CCDC50: variants seen among roughly 807,000 people sequenced by gnomAD.
The protein encoded by CCDC50 is coiled-coil domain-containing protein 50.
CCDC50 carries 54 observed loss-of-function variants against 70.2 expected under a neutral mutation model. The ratio of observed to expected loss-of-function variants is 0.77; its 90% CI spans 0.62 to 0.96. CCDC50 has a LOEUF of 0.96. Among genes scored for constraint, CCDC50 ranks in the 50% least tolerant of loss-of-function variants. CCDC50 has a pLI of 0.00. For missense variants in CCDC50, 558 were observed against 578.7 expected, an observed-to-expected ratio of 0.96 and a Z score of 0.37; for synonymous variants, 216 against 198.8, an observed-to-expected ratio of 1.09 and a Z score of -0.73.
At position 191,391,833 on chromosome 3, in the gene CCDC50, A is replaced by G. The variant is rs775099354; in HGVS notation, c.*73A>G. On this transcript the variant is annotated 3_prime_UTR_variant, in exon 12 of 12. Transcript: ENST00000392455. ...CTGGGTGATACAGAATGAATTCTAC[A>G]CTTACTTTTTTTCTCCTGTGTTTGC... 141 of 1,378,454 alleles carry G rather than the reference A, an allele frequency of 1.0e-4. No individual in the cohort carries two copies. The highest frequency in any genetic ancestry group is 1.4e-4 in the Non-Finnish European group (138 of 975,326). The allele number at this position is 1,378,454 out of a possible 1,614,324, so 85.4% of individuals were successfully genotyped here.
At chr3:191,338,753 A>C (rs1711608128) in intron 1 of CCDC50, among the ~76,000 whole-genome samples, 1 of 152,214 alleles carries the variant, frequency 6.6e-6, no homozygotes, top group South Asian at 2.1e-4. Flanking sequence ...GAGTTGTTCC[A>C]GCTCTCAAAT....
chr3:191,378,887 T>C (rs1362183819), intron 6 of CCDC50, among the ~76,000 whole-genome samples: 2 of 152,110 alleles, frequency 1.3e-5, no homozygotes, highest in Non-Finnish European at 2.9e-5. Context: ...AAAGCCATGT[T>C]TACTAGTCTG....
chr3:191,361,755 A>C (rs1712495795), intron 4 of CCDC50, among the ~76,000 whole-genome samples: 1 of 152,172 alleles, frequency 6.6e-6, no homozygotes, highest in Non-Finnish European at 1.5e-5. Flanking sequence ...ATAAGGTCAC[A>C]TTTTGAGGTT....
intron 7 of CCDC50, 105 bp downstream of exon 7, chr3:191,380,379 C>G: frequency 1.2e-6 from 1 of 802,396 alleles, no homozygotes; most frequent in Non-Finnish European, 2.1e-6. Flanking sequence ...AATTGAGAAA[C>G]CTTTTTTTAT....
In CCDC50 at chr3:191,329,526, C is replaced by CAAA; in HGVS notation, c.-149_-148insAAA. 1 of 699,142 alleles carries CAAA rather than the reference C, an allele frequency of 1.4e-6. No homozygotes were observed. The allele number at this position is 699,142 out of a possible 1,614,324, so 43.3% of individuals were successfully genotyped here. A position where few individuals can be genotyped will look rare whatever the true frequency, so the allele number is the denominator to read the frequency against. On this transcript the variant is annotated 5_prime_UTR_variant, in exon 1 of 12. Coordinates refer to ENST00000392455, the MANE Select transcript of CCDC50 (RefSeq NM_178335.3). The stretch of plus-strand genomic sequence containing the variant: ...GCTGCTTTGGTCACCAGCCCCTGCC[C>CAAA]GCCCGACCCGCTCCGTTCTCCGGCC...
intron 1 of CCDC50, among the ~76,000 whole-genome samples, chr3:191,350,109 C>T (rs1191413605): frequency 7.2e-6 from 1 of 139,658 alleles, no homozygotes; most frequent in Admixed American, 7.4e-5. Flanking sequence ...CCTTAGTTTC[C>T]TCATAAGTAA....
chr3:191,355,605 T>C (rs1186466837), intron 1 of CCDC50, among the ~76,000 whole-genome samples: 1 of 152,172 alleles, frequency 6.6e-6, no homozygotes, highest in Non-Finnish European at 1.5e-5. Flanking sequence ...TGGCTTTCAG[T>C]TTCCTCACTT....
chr3:191,363,697 A>C (rs9868286), intron 4 of CCDC50, among the ~76,000 whole-genome samples: 29,045 of 152,222 alleles, frequency 0.19, 3,188 homozygotes, highest in Non-Finnish European at 0.24. Flanking sequence ...CAGGTCTCCC[A>C]CTAGCTTGCC....
intron 7 of CCDC50, 96 bp from the exon 8 acceptor site, chr3:191,380,591 T>G (rs1245205883): frequency 2.5e-6 from 3 of 1,209,434 alleles, no homozygotes; most frequent in Non-Finnish European, 1.2e-6. Flanking sequence ...TGAGTCACAA[T>G]TATTTTCAAA....
At chr3:191,380,030 A>C (rs1425876520) in intron 6 of CCDC50, 129 bp from the exon 7 acceptor site, 2 of 670,534 alleles carry the variant, frequency 3.0e-6, no homozygotes, top group African/African-American at 3.7e-5. Flanking sequence ...CCCACACTGT[A>C]TTCTGGAGTA....
intron 1 of CCDC50, among the ~76,000 whole-genome samples, chr3:191,332,810 T>C (rs79001780): frequency 0.013 from 1,929 of 152,344 alleles, 46 homozygotes; most frequent in African/African-American, 0.044. Flanking sequence ...TCCAAGTTCC[T>C]GTATCGGTAA....
intron 6 of CCDC50, among the ~76,000 whole-genome samples, chr3:191,377,790 T>C (rs1713170739): frequency 6.6e-6 from 1 of 152,160 alleles, no homozygotes; most frequent in Admixed American, 6.6e-5. Flanking sequence ...AGGATGTTCT[T>C]GTGTTCTCCA....
chr3:191,381,279 A>ATTTCT (rs1713309223), intron 9 of CCDC50, among the ~76,000 whole-genome samples: 1 of 151,866 alleles, frequency 6.6e-6, no homozygotes, highest in South Asian at 2.1e-4. Context: ...TCCACAATGA[A>ATTTCT]CTTCTCTTCC....
intron 10 of CCDC50, among the ~76,000 whole-genome samples, chr3:191,387,596 C>T (rs1713540689): frequency 6.7e-6 from 1 of 148,790 alleles, no homozygotes; most frequent in South Asian, 2.1e-4. Context: ...CTAGATTGCT[C>T]TTAAGAAGTA....
chr3:191,380,625 A>G (rs1191599985), intron 7 of CCDC50, 62 bp from the exon 8 acceptor site: 5 of 1,477,984 alleles, frequency 3.4e-6, no homozygotes, highest in African/African-American at 1.4e-5. Flanking sequence ...TGTACAAGAT[A>G]CTGAAAATGC....
At chr3:191,368,557 A>C (rs1712783388) in intron 4 of CCDC50, among the ~76,000 whole-genome samples, 3 of 152,080 alleles carry the variant, frequency 2.0e-5, no homozygotes, top group African/African-American at 7.2e-5. Flanking sequence ...TTGTTTCTGC[A>C]TAGATGTGAA....
chr3:191,379,486 G>A (rs1713232522), intron 6 of CCDC50, among the ~76,000 whole-genome samples: 4 of 152,068 alleles, frequency 2.6e-5, no homozygotes, highest in Non-Finnish European at 5.9e-5. Context: ...TTGCTTTATA[G>A]GAATAAATTG....
At chr3:191,389,475 T>C (rs768433400) in intron 10 of CCDC50, 21 bp from the exon 11 acceptor site, 2 of 1,596,622 alleles carry the variant, frequency 1.3e-6, no homozygotes, top group South Asian at 2.2e-5. Flanking sequence ...AATGCCCCTT[T>C]AAATTCTGGA....
chr3:191,380,317 A>AT (rs760872468), intron 7 of CCDC50, 43 bp downstream of exon 7: 96 of 1,247,956 alleles, frequency 7.7e-5, no homozygotes, highest in Non-Finnish European at 8.3e-5. Flanking sequence ...ATTGATGGGT[A>AT]TTTTTTTTGT....
Sources: allele counts gnomAD v4.1 joint callset (sites outside exome capture counted in the v4.1 genomes callset), GRCh38; gene constraint gnomAD v4.1.1; transcripts MANE v1.5; gene names NCBI Gene and HGNC (gene_info 2026-07-23, HGNC 2026-07-21).